The following ELAPOR1 variants were observed in gnomAD, a reference collection of about 807,000 sequenced individuals.
ELAPOR1 encodes the protein endosome/lysosome-associated apoptosis and autophagy regulator 1.
A neutral mutation model predicts 119.7 loss-of-function variants in ELAPOR1; 77 were observed. The ratio of observed to expected loss-of-function variants is 0.64; its 90% CI spans 0.54 to 0.78. The LOEUF is 0.78. ELAPOR1 is among the 30% of genes least tolerant of loss of function. ELAPOR1 has a pLI of 0.00. For missense variants in ELAPOR1, 1,115 were observed against 1,270.4 expected, an observed-to-expected ratio of 0.88 and a Z score of 1.86; for synonymous variants, 481 against 487.2, an observed-to-expected ratio of 0.99 and a Z score of 0.17.
Position 109,144,061 on chromosome 1 carries a change from A to ATATATATTTTTTTTTTTTTTTTTT in ELAPOR1, c.154-17832_154-17831insATATATTTTTTTTTTTTTTTTTTT. ...TATATATATATATATATATTTATATATTTTTTTTTTTTTTTGAGATGGAGT... is the reference window on the plus strand; with the variant it reads ...TATATATATATATATATATTTATATATATATATTTTTTTTTTTTTTTTTTTTTTTTTTTTTTTTTGAGATGGAGT... On this transcript the variant is annotated intron_variant, in intron 1 of 21. Transcript: ENST00000369939. Among the ~76,000 whole-genome samples, 15 of 88,986 alleles carry ATATATATTTTTTTTTTTTTTTTTT rather than the reference A, an allele frequency of 1.7e-4. 1 individual carries two copies. The highest frequency in any genetic ancestry group is 5.3e-4 in the African/African-American group (11 of 20,738). 58.4% of individuals were successfully genotyped at this position (88,986 alleles called of 152,430 possible). A position where few individuals can be genotyped will look rare whatever the true frequency, so the allele number is the denominator to read the frequency against.
At chr1:109,159,097 T>C (rs1244729983) in intron 1 of ELAPOR1, among the ~76,000 whole-genome samples, 1 of 152,082 alleles carries the variant, frequency 6.6e-6, no homozygotes, top group Non-Finnish European at 1.5e-5. Flanking sequence ...TTTCACCATG[T>C]TGGTCAGGCT....
At chr1:109,135,775 G>T (rs1261413076) in intron 1 of ELAPOR1, among the ~76,000 whole-genome samples, 1 of 152,142 alleles carries the variant, frequency 6.6e-6, no homozygotes, top group Non-Finnish European at 1.5e-5. Flanking sequence ...TTTTAAAATG[G>T]GGGAAATCAT....
intron 7 of ELAPOR1, among the ~76,000 whole-genome samples, chr1:109,175,449 A>G (rs938197734): frequency 6.7e-6 from 1 of 148,928 alleles, no homozygotes; most frequent in Non-Finnish European, 1.5e-5. Context: ...TGATCTGCCC[A>G]CCTCGGCCTC....
At chr1:109,122,884 G>A (rs1648535693) in intron 1 of ELAPOR1, among the ~76,000 whole-genome samples, 3 of 152,188 alleles carry the variant, frequency 2.0e-5, no homozygotes, top group South Asian at 4.1e-4. Flanking sequence ...TTGAACCCAG[G>A]AGGTTGAGGT....
chr1:109,125,630 C>T (rs374442524), intron 1 of ELAPOR1, among the ~76,000 whole-genome samples: 1 of 151,944 alleles, frequency 6.6e-6, no homozygotes, highest in African/African-American at 2.4e-5. Flanking sequence ...GTGATCTGCC[C>T]GCCTTGGCCT....
At chr1:109,118,846 C>G (rs1412062134) in intron 1 of ELAPOR1, among the ~76,000 whole-genome samples, 2 of 151,604 alleles carry the variant, frequency 1.3e-5, no homozygotes, top group African/African-American at 4.9e-5. Context: ...CACGCTACTT[C>G]ACTTTGTGAG....
chr1:109,159,966 T>C (rs897570731), intron 1 of ELAPOR1, among the ~76,000 whole-genome samples: 23 of 152,170 alleles, frequency 1.5e-4, no homozygotes, highest in African/African-American at 5.5e-4. Context: ...AAGAAGTGGA[T>C]TGACATCATA....
intron 1 of ELAPOR1, among the ~76,000 whole-genome samples, chr1:109,132,754 A>G (rs757755086): frequency 1.3e-5 from 2 of 152,186 alleles, no homozygotes; most frequent in Non-Finnish European, 2.9e-5. Flanking sequence ...AGGAGCAGAG[A>G]CAGAAGGAAG....
At chr1:109,146,464 C>T (rs1000518349) in intron 1 of ELAPOR1, among the ~76,000 whole-genome samples, 1 of 152,182 alleles carries the variant, frequency 6.6e-6, no homozygotes, top group Non-Finnish European at 1.5e-5. Flanking sequence ...CTTAGTGTTA[C>T]TTCTGCTGTA....
intron 1 of ELAPOR1, among the ~76,000 whole-genome samples, chr1:109,157,558 T>C (rs922696092): frequency 2.6e-5 from 4 of 152,138 alleles, no homozygotes; most frequent in African/African-American, 7.2e-5. Flanking sequence ...CTAGGTAACC[T>C]TATGAATAGC....
At position 109,204,533 on chromosome 1, in the gene ELAPOR1, A is replaced by AC. The variant is rs1490675938; in HGVS notation, c.*1522dup. On this transcript the variant is annotated 3_prime_UTR_variant, in exon 22 of 22. Coordinates refer to ENST00000369939, the MANE Select transcript of ELAPOR1 (RefSeq NM_020775.5). ...CTAGAAGTTTGGGCCATATTATGGA[A>AC]CAGGGGTCTCTTATTTGAAAAGAGC... 2 of 152,260 alleles carry AC rather than the reference A, an allele frequency of 1.3e-5. No homozygotes were observed. Among genetic ancestry groups the AC allele is most frequent in the African/African-American group, 4.8e-5 (2 of 41,466 alleles). 9.4% of individuals were successfully genotyped at this position (152,260 alleles called of 1,614,324 possible). A position where few individuals can be genotyped will look rare whatever the true frequency, so the allele number is the denominator to read the frequency against.
At chr1:109,148,501 A>G (rs2101014359) in intron 1 of ELAPOR1, among the ~76,000 whole-genome samples, 1 of 152,324 alleles carries the variant, frequency 6.6e-6, no homozygotes, top group Middle Eastern at 3.4e-3. Flanking sequence ...GAGAACACAT[A>G]TGGGAACTCT....
chr1:109,166,211 G>C (rs180734002), intron 3 of ELAPOR1, among the ~76,000 whole-genome samples: 30 of 152,194 alleles, frequency 2.0e-4, no homozygotes, highest in Non-Finnish European at 4.0e-4. Flanking sequence ...ACCGCACCCA[G>C]CTAATTTTTT....
Position 109,191,715 on chromosome 1 carries a change from C to T in ELAPOR1, c.1546-11C>T. ...CATCGCACCCGCTTCACTTGTCTGT[C>T]CTGGGTTCAGGGTGTGAATTCTAGG... On this transcript the variant is annotated splice_polypyrimidine_tract_variant and intron_variant, in intron 12 of 21. Transcript: ENST00000369939. The T allele has an allele frequency of 2.5e-6, 4 of 1,614,046 alleles. No individual in the cohort carries two copies. The highest frequency in any genetic ancestry group is 1.3e-5 in the African/African-American group (1 of 75,058).
At chr1:109,114,994 T>C (rs749080564) in intron 1 of ELAPOR1, among the ~76,000 whole-genome samples, 1 of 152,236 alleles carries the variant, frequency 6.6e-6, no homozygotes, top group East Asian at 1.9e-4. Context: ...AGTTCTTCAA[T>C]ATCTTGTGTT....
intron 15 of ELAPOR1, among the ~76,000 whole-genome samples, chr1:109,195,629 G>T (rs1257859126): frequency 6.6e-6 from 1 of 152,112 alleles, no homozygotes; most frequent in Non-Finnish European, 1.5e-5. Context: ...TTGTTTTCTA[G>T]AGGCTGGATA....
intron 7 of ELAPOR1, among the ~76,000 whole-genome samples, chr1:109,183,222 C>T (rs1363471701): frequency 4.6e-5 from 7 of 150,926 alleles, no homozygotes; most frequent in African/African-American, 1.5e-4. Context: ...CACAATGGCT[C>T]ATGCCTGTAA....
intron 1 of ELAPOR1, among the ~76,000 whole-genome samples, chr1:109,154,148 G>A (rs1379235027): frequency 6.6e-6 from 1 of 151,670 alleles, no homozygotes; most frequent in Non-Finnish European, 1.5e-5. Context: ...GGGCATGGTG[G>A]TGCATGCCTG....
intron 1 of ELAPOR1, among the ~76,000 whole-genome samples, chr1:109,161,304 G>A (rs1438252894): frequency 1.3e-5 from 2 of 151,868 alleles, no homozygotes; most frequent in Non-Finnish European, 2.9e-5. Context: ...CAGCTACTCG[G>A]GAGGCTGAGG....
Sources: allele counts gnomAD v4.1 joint callset (sites outside exome capture counted in the v4.1 genomes callset), GRCh38; gene constraint gnomAD v4.1.1; transcripts MANE v1.5; gene names NCBI Gene and HGNC (gene_info 2026-07-23, HGNC 2026-07-21).